Variants in KDELR2 observed in about 807,000 individuals in gnomAD.
The protein encoded by KDELR2 is KDEL endoplasmic reticulum protein retention receptor 2.
KDELR2 carries 15 observed loss-of-function variants against 23.9 expected under a neutral mutation model. The observed-to-expected ratio is 0.63, with a 90% confidence interval of 0.42 to 0.97. The LOEUF (loss-of-function observed/expected upper bound fraction) is 0.97. Ranked by LOEUF, KDELR2 falls within the 50% of genes least tolerant of loss-of-function variation. The pLI is 0.00. For synonymous variants in KDELR2, 119 were observed against 106.2 expected (o/e 1.12, Z -0.74); for missense variants, 272 against 254.6 (o/e 1.07, Z -0.46).
chr7:6,467,000 T>G (rs1240376399), intron 3 of KDELR2, among the ~76,000 whole-genome samples: 1 of 152,302 alleles, frequency 6.6e-6, no homozygotes, highest in African/African-American at 2.4e-5. Flanking sequence ...TGAGGACTCC[T>G]GGCATAAATC....
intron 1 of KDELR2, among the ~76,000 whole-genome samples, chr7:6,481,951 C>A (rs977042640): frequency 1.2e-4 from 18 of 151,944 alleles, no homozygotes; most frequent in South Asian, 4.2e-4. Flanking sequence ...GGAACAATAG[C>A]ACCTACCTCC....
intron 1 of KDELR2, among the ~76,000 whole-genome samples, chr7:6,483,318 G>T (rs996621331): frequency 1.3e-5 from 2 of 152,004 alleles, no homozygotes; most frequent in Non-Finnish European, 2.9e-5. Context: ...AATCACTGAC[G>T]ACCTCTCGGC....
chr7:6,483,218 C>T (rs1468366959), intron 1 of KDELR2, among the ~76,000 whole-genome samples: 1 of 152,176 alleles, frequency 6.6e-6, no homozygotes. Flanking sequence ...CGGCGGTCCC[C>T]GGGCGCCGCA....
intron 1 of KDELR2, among the ~76,000 whole-genome samples, chr7:6,476,068 C>T (rs2115331371): frequency 6.6e-6 from 1 of 152,250 alleles, no homozygotes; most frequent in African/African-American, 2.4e-5. Flanking sequence ...GGGTGCACCA[C>T]CACACCTGGC....
rs1474884527 is a variant in KDELR2, at chr7:6,461,269, C to G, written c.*1872G>C. 1.3e-5 allele frequency: 2 copies of G among 152,084 alleles called. No individual in the cohort carries two copies. The highest frequency in any genetic ancestry group is 2.1e-4 in the South Asian group (1 of 4,822). The allele number at this position is 152,084 out of a possible 1,614,324, so 9.4% of individuals were successfully genotyped here. A position where few individuals can be genotyped will look rare whatever the true frequency, so the allele number is the denominator to read the frequency against. On this transcript the variant is annotated 3_prime_UTR_variant, in exon 5 of 5. Coordinates refer to ENST00000258739, the MANE Select transcript of KDELR2 (RefSeq NM_006854.4). Reference sequence around the variant, plus strand: ...GTGACCAAAACGGTGGTAACATAGCCAAGGTTACTTTTACTTGGGTAGGAT... The same window carrying G: ...GTGACCAAAACGGTGGTAACATAGCGAAGGTTACTTTTACTTGGGTAGGAT...
At chr7:6,467,070 C>G (rs1182429634) in intron 3 of KDELR2, among the ~76,000 whole-genome samples, 2 of 152,156 alleles carry the variant, frequency 1.3e-5, no homozygotes, top group African/African-American at 4.8e-5. Context: ...GCTGGGTAAC[C>G]TGGACACCTC....
At chr7:6,478,218 T>C (rs1785796112) in intron 1 of KDELR2, among the ~76,000 whole-genome samples, 1 of 151,960 alleles carries the variant, frequency 6.6e-6, no homozygotes, top group Non-Finnish European at 1.5e-5. Flanking sequence ...TATAATGGCA[T>C]GATCACAGCT....
intron 4 of KDELR2, 40 bp from the exon 5 acceptor site, chr7:6,463,215 T>C: frequency 6.5e-7 from 1 of 1,539,414 alleles, no homozygotes; most frequent in Non-Finnish European, 8.9e-7. Flanking sequence ...AAAAGGTTAC[T>C]GATATTGACA....
At chr7:6,468,955 C>T (rs1785563518) in intron 3 of KDELR2, among the ~76,000 whole-genome samples, 3 of 143,692 alleles carry the variant, frequency 2.1e-5, no homozygotes, top group African/African-American at 5.1e-5. Flanking sequence ...TAAATAACCT[C>T]TTTTTTTTTT....
At chr7:6,467,150 A>G (rs945680623) in intron 3 of KDELR2, among the ~76,000 whole-genome samples, 1 of 152,166 alleles carries the variant, frequency 6.6e-6, no homozygotes. Flanking sequence ...CTATGAATCT[A>G]CATACAGAGG....
chr7:6,481,075 A>G (rs1316617225), intron 1 of KDELR2, among the ~76,000 whole-genome samples: 1 of 152,228 alleles, frequency 6.6e-6, no homozygotes, highest in Non-Finnish European at 1.5e-5. Flanking sequence ...AACAGTGAAT[A>G]GTAAAAAACA....
intron 1 of KDELR2, among the ~76,000 whole-genome samples, chr7:6,479,015 C>T (rs377684329): frequency 1.2e-3 from 182 of 152,170 alleles, no homozygotes; most frequent in Middle Eastern, 3.4e-3. Flanking sequence ...GTCTTGAACT[C>T]CTGACTCAGG....
At chr7:6,473,309 A>T (rs1785691642) in intron 2 of KDELR2, among the ~76,000 whole-genome samples, 1 of 151,748 alleles carries the variant, frequency 6.6e-6, no homozygotes, top group Admixed American at 6.6e-5. Flanking sequence ...TACTGCCATG[A>T]TCTGTGTACT....
rs1455072044 is a variant in KDELR2, at chr7:6,461,665, A to T, written c.*1476T>A. On this transcript the variant is annotated 3_prime_UTR_variant, in exon 5 of 5. Coordinates refer to ENST00000258739, the MANE Select transcript of KDELR2 (RefSeq NM_006854.4). ...GATTTAGAAAGATGTTAAGACACACACTAGATACAAATGAAACCCATCCTG... is the reference window on the plus strand; with the variant it reads ...GATTTAGAAAGATGTTAAGACACACTCTAGATACAAATGAAACCCATCCTG... 6.6e-6 allele frequency: 1 copy of T among 151,248 alleles called. No individual in the cohort carries two copies. The highest frequency in any genetic ancestry group is 1.5e-5 in the Non-Finnish European group (1 of 67,938). The allele number at this position is 151,248 out of a possible 1,614,324, so 9.4% of individuals were successfully genotyped here.
intron 4 of KDELR2, among the ~76,000 whole-genome samples, 158 bp downstream of exon 4, chr7:6,465,913 A>G (rs193061833): frequency 2.0e-5 from 3 of 152,264 alleles, no homozygotes; most frequent in African/African-American, 7.2e-5. Context: ...CTTATATTTA[A>G]AAAGACAACA....
At chr7:6,472,843 A>C (rs1785679746) in intron 2 of KDELR2, among the ~76,000 whole-genome samples, 1 of 151,954 alleles carries the variant, frequency 6.6e-6, no homozygotes, top group African/African-American at 2.4e-5. Flanking sequence ...TTGTAGAAAG[A>C]AGGAAAGAAA....
At position 6,476,685 on chromosome 7, in the gene KDELR2, G is replaced by A. The variant is rs1223140375; in HGVS notation, c.92-2401C>T. Among the ~76,000 whole-genome samples, 5 of 152,234 alleles carry A rather than the reference G, an allele frequency of 3.3e-5. No homozygotes were observed. In the South Asian group the frequency reaches 8.3e-4, roughly 25 times the overall value. On this transcript the variant is annotated intron_variant, in intron 1 of 4. Transcript: ENST00000258739. ...ATATTGTCTTTACCAGCCCCCGTGGGGACCCAGCTCATATCCCACCTCCTC... is the reference window on the plus strand; with the variant it reads ...ATATTGTCTTTACCAGCCCCCGTGGAGACCCAGCTCATATCCCACCTCCTC...
chr7:6,470,902 C>G (rs1785619323), intron 2 of KDELR2, among the ~76,000 whole-genome samples: 1 of 151,976 alleles, frequency 6.6e-6, no homozygotes, highest in Non-Finnish European at 1.5e-5. Context: ...ATCATGAGGT[C>G]AGGAGATCGA....
intron 2 of KDELR2, among the ~76,000 whole-genome samples, chr7:6,471,242 C>T (rs1213662918): frequency 3.3e-5 from 4 of 119,466 alleles, no homozygotes; most frequent in Admixed American, 1.1e-4. Flanking sequence ...AGTGCAGTGG[C>T]ACAATCTCGG....
Sources: gnomAD v4.1 joint callset for allele counts (sites outside exome capture counted in the v4.1 genomes callset) on GRCh38, gnomAD v4.1.1 for gene constraint, MANE v1.5 for transcripts, NCBI Gene and HGNC (gene_info 2026-07-23, HGNC 2026-07-21) for gene names.